The following GUCY1A2 variants were observed in gnomAD, a reference collection of about 807,000 sequenced individuals.
GUCY1A2 encodes guanylate cyclase soluble subunit alpha-2.
GUCY1A2 carries 27 observed loss-of-function variants against 63.5 expected under a neutral mutation model. The ratio of observed to expected loss-of-function variants is 0.43; its 90% CI spans 0.31 to 0.59. GUCY1A2 has a LOEUF of 0.59. Ranked by LOEUF, GUCY1A2 falls within the 20% of genes least tolerant of loss-of-function variation. The probability of loss-of-function intolerance (pLI) is 0.11; values close to 1 mark genes in which losing one functional copy is unlikely to be tolerated. For synonymous variants in GUCY1A2, 364 were observed against 343.5 expected, an observed-to-expected ratio of 1.06 and a Z score of -0.66; for missense variants, 768 against 913.3, an observed-to-expected ratio of 0.84 and a Z score of 2.05.
chr11:106,729,225 T>C (rs1400130298), intron 6 of GUCY1A2, among the ~76,000 whole-genome samples: 3 of 152,062 alleles, frequency 2.0e-5, no homozygotes, highest in African/African-American at 7.2e-5. Flanking sequence ...GAGGAAGATA[T>C]GGGGATTGAA....
intron 1 of GUCY1A2, among the ~76,000 whole-genome samples, chr11:107,009,493 T>C (rs1001557759): frequency 1.3e-5 from 2 of 152,148 alleles, no homozygotes; most frequent in East Asian, 1.9e-4. Context: ...TTTTCAAATA[T>C]CTGTTTCTCT....
intron 4 of GUCY1A2, among the ~76,000 whole-genome samples, chr11:106,906,352 C>G (rs1860205410): frequency 6.6e-6 from 1 of 152,208 alleles, no homozygotes; most frequent in Non-Finnish European, 1.5e-5. Flanking sequence ...CTCATCATCA[C>G]TGGTCATTAG....
At chr11:106,872,150 A>G (rs1490309674) in intron 4 of GUCY1A2, among the ~76,000 whole-genome samples, 1 of 152,218 alleles carries the variant, frequency 6.6e-6, no homozygotes, top group Non-Finnish European at 1.5e-5. Flanking sequence ...ACCAAAATTA[A>G]CTATAATTAA....
intron 3 of GUCY1A2, among the ~76,000 whole-genome samples, chr11:106,976,933 C>T (rs1180198548): frequency 4.0e-5 from 1 of 24,900 alleles, no homozygotes; most frequent in East Asian, 0.016. Flanking sequence ...CCCCTGAAAA[C>T]CATTTCAAAT....
intron 4 of GUCY1A2, among the ~76,000 whole-genome samples, chr11:106,842,420 G>C (rs910154302): frequency 6.6e-6 from 1 of 151,964 alleles, no homozygotes; most frequent in Non-Finnish European, 1.5e-5. Context: ...CTTTGAGTCA[G>C]TGTTGTAGAA....
intron 3 of GUCY1A2, among the ~76,000 whole-genome samples, chr11:106,952,700 G>C (rs1191138892): frequency 6.6e-6 from 1 of 151,842 alleles, no homozygotes; most frequent in Non-Finnish European, 1.5e-5. Flanking sequence ...GCCCAGGCTG[G>C]TACACTCTCA....
At chr11:106,987,466 A>G (rs1480991669) in intron 1 of GUCY1A2, among the ~76,000 whole-genome samples, 1 of 152,078 alleles carries the variant, frequency 6.6e-6, no homozygotes, top group Non-Finnish European at 1.5e-5. Flanking sequence ...TCCTTGCCAA[A>G]TTGGTGAAAC....
At chr11:106,860,760 A>G (rs1859500610) in intron 4 of GUCY1A2, among the ~76,000 whole-genome samples, 1 of 152,040 alleles carries the variant, frequency 6.6e-6, no homozygotes, top group African/African-American at 2.4e-5. Flanking sequence ...GGAGGTGCCA[A>G]TGTCTATCCT....
intron 4 of GUCY1A2, among the ~76,000 whole-genome samples, chr11:106,817,154 C>T (rs1465817013): frequency 6.6e-6 from 1 of 152,056 alleles, no homozygotes; most frequent in Non-Finnish European, 1.5e-5. Context: ...CATTTGTCCT[C>T]TAACATTCAT....
chr11:106,709,323 A>G (rs1248518612), intron 6 of GUCY1A2, among the ~76,000 whole-genome samples: 1 of 63,574 alleles, frequency 1.6e-5, no homozygotes, highest in African/African-American at 1.1e-4. Flanking sequence ...ATATTTATAT[A>G]TATTATATAA....
At chr11:106,825,039 A>G in intron 4 of GUCY1A2, 1 of 1,353,500 alleles carries the variant, frequency 7.4e-7, no homozygotes, top group Non-Finnish European at 1.0e-6. Flanking sequence ...AATAGTTTTT[A>G]AAAGAATTTC....
At chr11:106,874,490 A>T (rs1859722381) in intron 4 of GUCY1A2, among the ~76,000 whole-genome samples, 1 of 152,152 alleles carries the variant, frequency 6.6e-6, no homozygotes, top group Admixed American at 6.6e-5. Context: ...AGTTGTTCTG[A>T]ATTGCAGACA....
intron 6 of GUCY1A2, among the ~76,000 whole-genome samples, chr11:106,724,406 T>G (rs2135365859): frequency 6.6e-6 from 1 of 152,282 alleles, no homozygotes; most frequent in South Asian, 2.1e-4. Context: ...TCCACAAAAA[T>G]TGGCTCCAAT....
intron 5 of GUCY1A2, among the ~76,000 whole-genome samples, chr11:106,781,727 C>CTTT (rs35371316): frequency 3.5e-5 from 5 of 142,170 alleles, no homozygotes; most frequent in East Asian, 2.1e-4. Context: ...CCATGCCTGC[C>CTTT]TTTTTTTTTT....
chr11:106,782,190 A>G (rs1192084061), intron 5 of GUCY1A2, among the ~76,000 whole-genome samples: 4 of 152,168 alleles, frequency 2.6e-5, no homozygotes, highest in Non-Finnish European at 5.9e-5. Context: ...TCTATGGGGC[A>G]TAAGAGCAGA....
Position 106,903,405 on chromosome 11 carries a change from T to C in GUCY1A2, c.1206+36055A>G, listed in dbSNP as rs377759868. Among the ~76,000 whole-genome samples, 23 of 152,262 alleles carry C rather than the reference T, an allele frequency of 1.5e-4. No individual in the cohort carries two copies. In the South Asian group the frequency reaches 3.3e-3, roughly 22 times the overall value. ...TGATATGGAATTTCTTTATATTACA[T>C]TTCAGCTTTACATGTCTTGTGGATT... On this transcript the variant is annotated intron_variant, in intron 4 of 7. Coordinates refer to ENST00000526355, the MANE Select transcript of GUCY1A2 (RefSeq NM_000855.3).
At chr11:106,841,405 A>C (rs1859195473) in intron 4 of GUCY1A2, among the ~76,000 whole-genome samples, 1 of 151,892 alleles carries the variant, frequency 6.6e-6, no homozygotes, top group African/African-American at 2.4e-5. Flanking sequence ...CTTTCAAACA[A>C]GATTACAAAT....
intron 4 of GUCY1A2, among the ~76,000 whole-genome samples, chr11:106,822,771 C>G (rs932968803): frequency 2.0e-5 from 3 of 152,026 alleles, no homozygotes; most frequent in African/African-American, 7.2e-5. Context: ...TTTCCCTTAT[C>G]AAAGTAAAGC....
At chr11:106,873,273 G>A (rs1355879022) in intron 4 of GUCY1A2, among the ~76,000 whole-genome samples, 1 of 151,980 alleles carries the variant, frequency 6.6e-6, no homozygotes, top group Non-Finnish European at 1.5e-5. Context: ...ATATTCCTTT[G>A]GGTATATACC....
Sources: allele counts gnomAD v4.1 joint callset (sites outside exome capture counted in the v4.1 genomes callset), GRCh38; gene constraint gnomAD v4.1.1; transcripts MANE v1.5; gene names NCBI Gene and HGNC (gene_info 2026-07-23, HGNC 2026-07-21).